Variants in MAP3K9 observed in about 807,000 individuals in gnomAD.
MAP3K9 encodes the protein mixed lineage kinase 1 (tyr and ser/thr specificity).
Under a neutral mutation model 95.8 loss-of-function variants are expected in MAP3K9, and 46 were observed. The ratio of observed to expected loss-of-function variants is 0.48; its 90% CI spans 0.38 to 0.61. The LOEUF is 0.61. MAP3K9 is among the 20% of genes least tolerant of loss of function. The pLI is 0.00. For missense variants in MAP3K9, 1,296 were observed against 1,474.3 expected (o/e 0.88, Z 1.98); for synonymous variants, 533 against 593.8 (o/e 0.90, Z 1.49).
intron 2 of MAP3K9, among the ~76,000 whole-genome samples, chr14:70,794,193 A>C (rs547494181): frequency 1.3e-5 from 2 of 152,352 alleles, no homozygotes; most frequent in Admixed American, 1.3e-4. Flanking sequence ...AGAAGAAGAG[A>C]AGGCAGCAAA....
In MAP3K9 at chr14:70,732,794, C is replaced by T. The variant is rs780482958; in HGVS notation, c.2575G>A (p.Val859Met). ...LLRSDSDEIV[V>M]YEMPVSPVEA... ...ACTGGGCTGACTGGCATCTCATACACGACAATTTCATCGCTGTCGGAGCGC... is the reference window on the plus strand; with the variant it reads ...ACTGGGCTGACTGGCATCTCATACATGACAATTTCATCGCTGTCGGAGCGC... The change falls in exon 11 of 12, where the codon GTG becomes ATG. Residue 859 changes from valine (V) to methionine (M), a missense_variant. Physicochemically the swap from Val to Met is conservative, Grantham distance 21. Transcript: ENST00000554752. The T allele has an allele frequency of 1.5e-5, 25 of 1,613,832 alleles. No homozygotes were observed. Among genetic ancestry groups the T allele is most frequent in the South Asian group, 8.8e-5 (8 of 91,068 alleles).
chr14:70,794,996 T>TTC (rs2054848050), intron 2 of MAP3K9, among the ~76,000 whole-genome samples: 1 of 133,116 alleles, frequency 7.5e-6, no homozygotes. Flanking sequence ...TTTCCTTTTT[T>TTC]TTTTTTTTTT....
chr14:70,756,315 C>T (rs1266332830), intron 3 of MAP3K9, among the ~76,000 whole-genome samples: 2 of 152,126 alleles, frequency 1.3e-5, no homozygotes, highest in Non-Finnish European at 2.9e-5. Context: ...AAAACCTGAG[C>T]AATTTCAGGG....
chr14:70,736,598 T>C (rs536139621), intron 8 of MAP3K9, among the ~76,000 whole-genome samples: 3 of 152,314 alleles, frequency 2.0e-5, no homozygotes, highest in African/African-American at 7.2e-5. Flanking sequence ...ATTCCGAAGT[T>C]AATATTTTGC....
intron 2 of MAP3K9, among the ~76,000 whole-genome samples, chr14:70,788,027 A>G (rs1015872355): frequency 6.6e-6 from 1 of 152,238 alleles, no homozygotes; most frequent in Admixed American, 6.5e-5. Flanking sequence ...AAAAGTTATC[A>G]GAGACAAAAA....
intron 1 of MAP3K9, among the ~76,000 whole-genome samples, chr14:70,801,288 T>C (rs2054927594): frequency 6.6e-6 from 1 of 152,148 alleles, no homozygotes; most frequent in Non-Finnish European, 1.5e-5. Flanking sequence ...CACCACATGG[T>C]AGGCATTCTA....
Position 70,758,756 on chromosome 14 carries a change from C to G in MAP3K9, c.1001+2246G>C, listed in dbSNP as rs113168543. On this transcript the variant is annotated intron_variant, in intron 3 of 11. Coordinates refer to ENST00000554752, the MANE Select transcript of MAP3K9 (RefSeq NM_001284230.2). ...AATGAAATTCTGAGATAAGTTACAA[C>G]ATGGATGAATCTTTTTTTTTTTTTT... Among the ~76,000 whole-genome samples, 1,156 of 151,964 alleles carry G rather than the reference C, an allele frequency of 7.6e-3. 18 individuals carry two copies. The highest frequency in any genetic ancestry group is 0.026 in the African/African-American group (1,082 of 41,476).
intron 5 of MAP3K9, among the ~76,000 whole-genome samples, chr14:70,745,262 T>C (rs1348056486): frequency 2.0e-5 from 3 of 151,888 alleles, no homozygotes; most frequent in African/African-American, 7.3e-5. Flanking sequence ...TAAAACAAAA[T>C]AGTGTAGAAA....
intron 2 of MAP3K9, chr14:70,783,087 G>T: frequency 5.8e-6 from 1 of 172,460 alleles, no homozygotes; most frequent in Non-Finnish European, 1.2e-5. Context: ...TACTCTTCCT[G>T]GAAGGTCATT....
intron 2 of MAP3K9, among the ~76,000 whole-genome samples, chr14:70,788,112 T>G (rs1371184701): frequency 6.6e-6 from 1 of 152,204 alleles, no homozygotes; most frequent in Non-Finnish European, 1.5e-5. Context: ...TTCTTTTTTC[T>G]CTCTCTTTTT....
chr14:70,795,314 A>G (rs2054852558), intron 2 of MAP3K9, among the ~76,000 whole-genome samples: 1 of 136,458 alleles, frequency 7.3e-6, no homozygotes, highest in African/African-American at 2.8e-5. Context: ...TCTTTTATTT[A>G]TTTATTTTTT....
chr14:70,794,692 T>TC (rs1437616236), intron 2 of MAP3K9, among the ~76,000 whole-genome samples: 10 of 139,540 alleles, frequency 7.2e-5, no homozygotes, highest in Admixed American at 2.2e-4. Context: ...TCTTTTTTTT[T>TC]TCCAAGATGT....
chr14:70,794,093 G>A (rs1050946506), intron 2 of MAP3K9, among the ~76,000 whole-genome samples: 11 of 152,232 alleles, frequency 7.2e-5, no homozygotes, highest in Non-Finnish European at 1.5e-5. Flanking sequence ...AACTGCGGAA[G>A]GGTTGGACAG....
chr14:70,792,052 G>A (rs776212212), intron 2 of MAP3K9, among the ~76,000 whole-genome samples: 5 of 152,180 alleles, frequency 3.3e-5, no homozygotes, highest in Non-Finnish European at 7.4e-5. Flanking sequence ...CTTCTGCTGA[G>A]TCCTGTTCAC....
chr14:70,735,452 A>T (rs1274783482), intron 9 of MAP3K9, among the ~76,000 whole-genome samples: 1 of 151,436 alleles, frequency 6.6e-6, no homozygotes, highest in African/African-American at 2.4e-5. Flanking sequence ...AGAGAGACAG[A>T]GGACCAACTT....
At chr14:70,797,288 G>C (rs915831988) in intron 2 of MAP3K9, among the ~76,000 whole-genome samples, 2 of 152,092 alleles carry the variant, frequency 1.3e-5, no homozygotes, top group Non-Finnish European at 2.9e-5. Context: ...AAACAAACCA[G>C]TGTTCCCAAG....
chr14:70,799,426 A>G (rs920598471), intron 2 of MAP3K9, among the ~76,000 whole-genome samples: 16 of 151,682 alleles, frequency 1.1e-4, no homozygotes, highest in Non-Finnish European at 1.9e-4. Flanking sequence ...TGCAAGCTCC[A>G]CCTCCCGGGT....
At chr14:70,798,425 T>TCTGCTTCTTTTTACCCCATCACTTA (rs1555372876) in intron 2 of MAP3K9, among the ~76,000 whole-genome samples, 2 of 149,098 alleles carry the variant, frequency 1.3e-5, no homozygotes, top group African/African-American at 2.5e-5. Context: ...TCCAGCAATA[T>TCTGCTTCTTTTTACCCCATCACTTA]AAGCAATCTC....
At position 70,727,765 on chromosome 14, in the gene MAP3K9, T is replaced by C. The variant is rs2139688950; in HGVS notation, c.*2615A>G. ...TTTGGATAGCCCTGCTTTTGCTTCT[T>C]TCAGGTACAATTATTTCCTTAGCAA... On this transcript the variant is annotated 3_prime_UTR_variant, in exon 12 of 12. Coordinates refer to ENST00000554752, the MANE Select transcript of MAP3K9 (RefSeq NM_001284230.2). The C allele has an allele frequency of 6.6e-6, 1 of 152,350 alleles. No homozygotes were observed. Among genetic ancestry groups the C allele is most frequent in the South Asian group, 2.1e-4 (1 of 4,824 alleles). 9.4% of individuals were successfully genotyped at this position (152,350 alleles called of 1,614,324 possible). A position where few individuals can be genotyped will look rare whatever the true frequency, so the allele number is the denominator to read the frequency against.
Sources: allele counts gnomAD v4.1 joint callset (sites outside exome capture counted in the v4.1 genomes callset), GRCh38; gene constraint gnomAD v4.1.1; transcripts MANE v1.5; gene names NCBI Gene and HGNC (gene_info 2026-07-23, HGNC 2026-07-21).